Variants in RTN1 observed in about 807,000 individuals in gnomAD.
The protein encoded by RTN1 is reticulon 1, also known as reticulon-1.
A neutral mutation model predicts 65.5 loss-of-function variants in RTN1; 25 were observed. The ratio of observed to expected loss-of-function variants is 0.38; its 90% CI spans 0.28 to 0.53. The LOEUF (loss-of-function observed/expected upper bound fraction) is 0.53. Ranked by LOEUF, RTN1 falls within the 20% of genes least tolerant of loss-of-function variation. The pLI is 0.79. For synonymous variants in RTN1, 471 were observed against 447.6 expected, an observed-to-expected ratio of 1.05 and a Z score of -0.66; for missense variants, 983 against 1,025.4, an observed-to-expected ratio of 0.96 and a Z score of 0.57.
intron 1 of RTN1, among the ~76,000 whole-genome samples, chr14:59,819,747 G>T (rs1005998123): frequency 1.3e-5 from 2 of 152,098 alleles, no homozygotes; most frequent in Admixed American, 1.3e-4. Context: ...GCAAGAATTC[G>T]AGCACTGCGC....
In RTN1 at chr14:59,826,990, G is replaced by C. The variant is rs558873153; in HGVS notation, c.241+43400C>G. 4.5e-4 allele frequency among the ~76,000 whole-genome samples: 68 copies of C among 152,280 alleles called. 1 individual carries two copies. Among genetic ancestry groups the C allele is most frequent in the Middle Eastern group, 3.4e-3 (1 of 294 alleles). ...GGAGGCAGCATTTGGGCTGGTAGCT[G>C]GATGACAAGAAGCATCCAGCCAGGT... On this transcript the variant is annotated intron_variant, in intron 1 of 8. Transcript: ENST00000267484.
rs757116220 is a variant in RTN1, at chr14:59,803,550, G to T, written c.242-57069C>A. On this transcript the variant is annotated intron_variant, in intron 1 of 8. Transcript: ENST00000267484. The surrounding 1 kb of genome is among the most constrained non-coding windows in gnomAD (Gnocchi z 5.6). ...TCTTGTCTCCCATATAATTCAGAGG[G>T]GTGTGAGATCTCCCAGAATTTTCCT... Among the ~76,000 whole-genome samples the T allele has an allele frequency of 3.3e-5, 5 of 152,036 alleles. No homozygotes were observed. Among genetic ancestry groups the T allele is most frequent in the Non-Finnish European group, 5.9e-5 (4 of 68,014 alleles).
intron 3 of RTN1, among the ~76,000 whole-genome samples, chr14:59,719,777 TCA>T (rs1281633580): frequency 2.0e-5 from 3 of 152,222 alleles, no homozygotes; most frequent in Non-Finnish European, 4.4e-5. Flanking sequence ...CTCCTTGACC[TCA>T]TGTTGCCTCT....
At chr14:59,833,029 C>T (rs1887153211) in intron 1 of RTN1, among the ~76,000 whole-genome samples, 1 of 152,150 alleles carries the variant, frequency 6.6e-6, no homozygotes, top group South Asian at 2.1e-4. Context: ...GATAAATGGT[C>T]ATTGAATCCA....
At chr14:59,798,583 T>C (rs1316345634) in intron 1 of RTN1, among the ~76,000 whole-genome samples, 1 of 152,116 alleles carries the variant, frequency 6.6e-6, no homozygotes, top group African/African-American at 2.4e-5. Context: ...TCTCTCTCTC[T>C]CTCTGATTAG....
chr14:59,819,418 C>A (rs1886890763), intron 1 of RTN1, among the ~76,000 whole-genome samples: 2 of 13,066 alleles, frequency 1.5e-4, no homozygotes, highest in Admixed American at 5.1e-4. Flanking sequence ...ACCACCACCC[C>A]CCCCCCACCC....
chr14:59,632,247 A>G (rs916701979), intron 3 of RTN1, among the ~76,000 whole-genome samples: 15 of 152,162 alleles, frequency 9.9e-5, no homozygotes, highest in African/African-American at 3.6e-4. Flanking sequence ...CATTATTACA[A>G]AGCACTTTTC....
At chr14:59,717,538 C>T (rs1027414362) in intron 3 of RTN1, among the ~76,000 whole-genome samples, 1 of 152,178 alleles carries the variant, frequency 6.6e-6, no homozygotes, top group Non-Finnish European at 1.5e-5. Flanking sequence ...CCCCAAACTA[C>T]TGAAACAATG....
intron 3 of RTN1, among the ~76,000 whole-genome samples, chr14:59,618,275 T>C (rs555445246): frequency 3.3e-5 from 5 of 152,326 alleles, no homozygotes; most frequent in African/African-American, 1.2e-4. Context: ...GGCTACAAGA[T>C]TCTGACCCTC....
intron 3 of RTN1, among the ~76,000 whole-genome samples, chr14:59,704,534 C>G (rs1884250559): frequency 6.6e-6 from 1 of 152,208 alleles, no homozygotes; most frequent in Non-Finnish European, 1.5e-5. Flanking sequence ...CCCAGAGTCA[C>G]TAGAACCTAC....
chr14:59,750,896 T>G (rs1885505898), intron 1 of RTN1, among the ~76,000 whole-genome samples: 2 of 149,824 alleles, frequency 1.3e-5, no homozygotes, highest in African/African-American at 4.9e-5. Context: ...TTTTCATTTT[T>G]TCATAGAGAT....
At chr14:59,659,987 A>G (rs1316408388) in intron 3 of RTN1, among the ~76,000 whole-genome samples, 1 of 151,518 alleles carries the variant, frequency 6.6e-6, no homozygotes, top group Non-Finnish European at 1.5e-5. Flanking sequence ...TGCTGTATTC[A>G]GGAGACTCAT....
intron 3 of RTN1, among the ~76,000 whole-genome samples, chr14:59,673,664 A>G (rs1030733132): frequency 3.3e-5 from 5 of 152,058 alleles, no homozygotes; most frequent in Non-Finnish European, 7.4e-5. Context: ...GCACCATTTG[A>G]CTGGTTAAAA....
intron 1 of RTN1, among the ~76,000 whole-genome samples, chr14:59,757,361 T>C (rs1885660525): frequency 1.3e-5 from 2 of 152,170 alleles, no homozygotes; most frequent in Admixed American, 1.3e-4. Flanking sequence ...TGGTAGTGAA[T>C]ACGTTTCATG....
At chr14:59,647,718 A>G (rs1027035579) in intron 3 of RTN1, among the ~76,000 whole-genome samples, 3 of 152,258 alleles carry the variant, frequency 2.0e-5, no homozygotes, top group Non-Finnish European at 2.9e-5. Flanking sequence ...GGAAGAAATC[A>G]AGAAATTCTT....
intron 1 of RTN1, among the ~76,000 whole-genome samples, chr14:59,800,704 A>AT (rs1166246087): frequency 2.6e-5 from 4 of 152,150 alleles, no homozygotes; most frequent in African/African-American, 4.8e-5. Flanking sequence ...CGGGCCAAAA[A>AT]TACATCTTAA....
intron 1 of RTN1, among the ~76,000 whole-genome samples, chr14:59,821,861 G>C (rs140726802): frequency 3.3e-5 from 5 of 152,168 alleles, no homozygotes; most frequent in Non-Finnish European, 7.4e-5. Flanking sequence ...CAGGAATAAA[G>C]CCTACTTCAT....
At chr14:59,624,025 T>G (rs1283984103) in intron 3 of RTN1, among the ~76,000 whole-genome samples, 1 of 152,210 alleles carries the variant, frequency 6.6e-6, no homozygotes, top group Non-Finnish European at 1.5e-5. Flanking sequence ...CAATACTTTC[T>G]AAAAATTAAA....
At chr14:59,683,912 CTT>C (rs1473334341) in intron 3 of RTN1, among the ~76,000 whole-genome samples, 1 of 152,036 alleles carries the variant, frequency 6.6e-6, no homozygotes, top group East Asian at 1.9e-4. Context: ...TTTTGAGAGT[CTT>C]TGTCTGATTC....
Sources: allele counts gnomAD v4.1 joint callset (sites outside exome capture counted in the v4.1 genomes callset), GRCh38; gene constraint gnomAD v4.1.1; non-coding constraint Gnocchi (gnomAD v3.1); transcripts MANE v1.5; gene names NCBI Gene and HGNC (gene_info 2026-07-23, HGNC 2026-07-21).